MYO10: variants seen among roughly 807,000 people sequenced by gnomAD.
MYO10 encodes unconventional myosin-X.
A neutral mutation model predicts 257.3 loss-of-function variants in MYO10; 133 were observed. The ratio of observed to expected loss-of-function variants is 0.52; its 90% confidence interval spans 0.45 to 0.60. MYO10 has a LOEUF of 0.60. Among genes scored for constraint, MYO10 ranks in the 20% least tolerant of loss-of-function variants. The probability of loss-of-function intolerance (pLI) is 0.00; values close to 1 mark genes in which losing one functional copy is unlikely to be tolerated. For missense variants in MYO10, 2,399 were observed against 2,635.7 expected (o/e 0.91, Z 1.97); for synonymous variants, 1,104 against 1,028.6 (o/e 1.07, Z -1.40).
rs1561158360 is a variant in MYO10, at chr5:16,663,325, G to GT, written c.*3366dup. The GT allele has an allele frequency of 7.3e-5, 3 of 41,320 alleles. No homozygotes were observed. The highest frequency in any genetic ancestry group is 1.3e-4 in the African/African-American group (1 of 7,436). The allele number at this position is 41,320 out of a possible 1,614,324, so 2.6% of individuals were successfully genotyped here. On this transcript the variant is annotated 3_prime_UTR_variant, in exon 41 of 41. Transcript: ENST00000513610. ...GGAAAAAAGTAACATTTTACTTCTA[G>GT]TTGTTTTTTTTTTTTTTTTTTTTTT...
chr5:16,844,045 C>T (rs576281878), intron 2 of MYO10, among the ~76,000 whole-genome samples: 1 of 152,286 alleles, frequency 6.6e-6, no homozygotes, highest in South Asian at 2.1e-4. Flanking sequence ...TGGGTTGTCC[C>T]GTCACTCATG....
At chr5:16,704,476 C>G (rs185483934) in intron 22 of MYO10, 103 bp downstream of exon 22, 11 of 943,200 alleles carry the variant, frequency 1.2e-5, no homozygotes, top group Non-Finnish European at 1.6e-6. Flanking sequence ...ACCTGAGGCT[C>G]CCCTCAATTC....
intron 1 of MYO10, among the ~76,000 whole-genome samples, chr5:16,892,026 C>G (rs1745074785): frequency 6.6e-6 from 1 of 152,138 alleles, no homozygotes. Context: ...TTATGGGAGG[C>G]AGAAATGGAT....
Position 16,834,363 on chromosome 5 carries a change from C to T in MYO10, c.121-16196G>A, listed in dbSNP as rs374858232. ...GGTGCACCGTGATGAGGACGTGGAA[C>T]TGCATGTGGGTAGATGGGAAGGAGG... is the stretch of plus-strand genomic sequence containing the variant. On this transcript the variant is annotated intron_variant, in intron 2 of 40. Coordinates refer to ENST00000513610, the MANE Select transcript of MYO10 (RefSeq NM_012334.3). Among the ~76,000 whole-genome samples, 53 of 152,246 alleles carry T rather than the reference C, an allele frequency of 3.5e-4. 1 individual carries two copies. The Middle Eastern group carries it at 0.01, about 29-fold the overall frequency.
chr5:16,684,656 G>A (rs1737161099), intron 29 of MYO10, among the ~76,000 whole-genome samples: 1 of 152,166 alleles, frequency 6.6e-6, no homozygotes, highest in Admixed American at 6.5e-5. Flanking sequence ...CTTCTCCTAA[G>A]AAACTTTATT....
At chr5:16,920,151 G>A (rs1745941817) in intron 1 of MYO10, among the ~76,000 whole-genome samples, 1 of 152,178 alleles carries the variant, frequency 6.6e-6, no homozygotes, top group African/African-American at 2.4e-5. Flanking sequence ...GCACATGCCT[G>A]TAAACCCAGC....
chr5:16,727,088 A>C (rs997690350), intron 19 of MYO10, among the ~76,000 whole-genome samples: 3 of 152,250 alleles, frequency 2.0e-5, no homozygotes, highest in Non-Finnish European at 2.9e-5. Flanking sequence ...GTATGAAAAA[A>C]TAAAGTATCT....
Position 16,927,745 on chromosome 5 carries a change from T to C in MYO10, c.21+8043A>G, listed in dbSNP as rs55731792. 7.5e-3 allele frequency among the ~76,000 whole-genome samples: 1,138 copies of C among 152,316 alleles called. 11 individuals are homozygous for C. The highest frequency in any genetic ancestry group is 0.026 in the African/African-American group (1,075 of 41,562). On this transcript the variant is annotated intron_variant, in intron 1 of 40. Transcript: ENST00000513610. ...TGGACAATTCCCATATGTTTCTCCCTTGTTCTAGCTGTATTTCAACAGATG... is the reference window on the plus strand; with the variant it reads ...TGGACAATTCCCATATGTTTCTCCCCTGTTCTAGCTGTATTTCAACAGATG...
At chr5:16,894,715 G>A (rs1315451406) in intron 1 of MYO10, among the ~76,000 whole-genome samples, 1 of 152,188 alleles carries the variant, frequency 6.6e-6, no homozygotes, top group African/African-American at 2.4e-5. Context: ...GGGATGAAGT[G>A]CAAACAGATC....
intron 2 of MYO10, among the ~76,000 whole-genome samples, chr5:16,841,689 T>C (rs1743485652): frequency 6.6e-6 from 1 of 152,160 alleles, no homozygotes; most frequent in Admixed American, 6.6e-5. Context: ...TAATTCAGGC[T>C]CTCCTTCAAC....
Position 16,701,244 on chromosome 5 carries a change from C to T in MYO10, c.3151G>A (p.Val1051Met). 1 of 1,613,218 alleles carries T rather than the reference C, an allele frequency of 6.2e-7. No individual in the cohort carries two copies. Among genetic ancestry groups the T allele is most frequent in the Non-Finnish European group, 8.5e-7 (1 of 1,179,620 alleles). ...VPTSPSADST[V>M]LLAPSVQDSG... ...TCCTGCACTGATGGGGCGAGCAGCA[C>T]CGTGCTGTCCGCACTGGGGCTGGTG... The change falls in exon 25 of 41, where the codon GTG becomes ATG. Residue 1051 changes from valine to methionine, a missense_variant. Coordinates refer to ENST00000513610, the MANE Select transcript of MYO10 (RefSeq NM_012334.3). This position sits in a 1 kb window ranked among gnomAD's most constrained non-coding sequence, Gnocchi z 8.1.
chr5:16,820,207 C>T (rs933068286), intron 2 of MYO10, among the ~76,000 whole-genome samples: 1 of 152,244 alleles, frequency 6.6e-6, no homozygotes, highest in African/African-American at 2.4e-5. Context: ...GAAACAGAAA[C>T]TTAGGCCAGA....
At chr5:16,828,238 T>A (rs1012823229) in intron 2 of MYO10, among the ~76,000 whole-genome samples, 2 of 152,082 alleles carry the variant, frequency 1.3e-5, no homozygotes, top group Non-Finnish European at 2.9e-5. Flanking sequence ...CTTGAGTTGC[T>A]CCTCTTTTAA....
intron 33 of MYO10, among the ~76,000 whole-genome samples, chr5:16,677,416 C>CTTTTTTTTTTTTTTTTTTTTTTTTTTTT (rs796474728): frequency 8.4e-6 from 1 of 119,380 alleles, no homozygotes; most frequent in Non-Finnish European, 1.7e-5. Context: ...GTAACTTGAC[C>CTTTTTTTTTTTTTTTTTTTTTTTTTTTT]TTTTTTTTTT....
rs543651091 is a variant in MYO10, at chr5:16,810,334, G to A, written c.279+7675C>T. ...CTCTTCCATCACCTCCCTCCCTACA[G>A]TCCCCATGACTTTTCTCCCATCTCT... On this transcript the variant is annotated intron_variant, in intron 3 of 40. Coordinates refer to ENST00000513610, the MANE Select transcript of MYO10 (RefSeq NM_012334.3). Among the ~76,000 whole-genome samples, 93 of 152,144 alleles carry A rather than the reference G, an allele frequency of 6.1e-4. 1 individual carries two copies. The highest frequency in any genetic ancestry group is 3.0e-3 in the Admixed American group (46 of 15,274).
At chr5:16,842,897 T>TA (rs140305303) in intron 2 of MYO10, among the ~76,000 whole-genome samples, 2,790 of 98,202 alleles carry the variant, frequency 0.028, 43 homozygotes, top group South Asian at 0.049. Context: ...CCGTCTCTAC[T>TA]AAAAAAAAGA....
intron 9 of MYO10, among the ~76,000 whole-genome samples, chr5:16,774,452 C>G (rs1469752157): frequency 2.0e-5 from 3 of 152,022 alleles, no homozygotes; most frequent in Non-Finnish European, 1.5e-5. Flanking sequence ...GACGGAGTCT[C>G]ACTCTGTTGC....
chr5:16,783,719 A>G (rs935894518), intron 4 of MYO10, among the ~76,000 whole-genome samples: 1 of 152,306 alleles, frequency 6.6e-6, no homozygotes, highest in Admixed American at 6.5e-5. Flanking sequence ...TTTCCTAAGG[A>G]AAGGTCATAA....
In MYO10 at chr5:16,755,473, T is replaced by C. The variant is rs116577570; in HGVS notation, c.1849-565A>G. ...AGCCACCGCGCCCGGCCTGAAATAG[T>C]ACAATTTTAATAAACCATTCTGTCA... On this transcript the variant is annotated intron_variant, in intron 18 of 40. Transcript: ENST00000513610. Among the ~76,000 whole-genome samples the C allele has an allele frequency of 2.7e-3, 414 of 152,316 alleles. 4 individuals carry two copies. Among genetic ancestry groups the C allele is most frequent in the African/African-American group, 9.5e-3 (396 of 41,568 alleles).
Sources: gnomAD v4.1 joint callset for allele counts (sites outside exome capture counted in the v4.1 genomes callset) on GRCh38, gnomAD v4.1.1 for gene constraint, Gnocchi (gnomAD v3.1) non-coding constraint, MANE v1.5 for transcripts, NCBI Gene and HGNC (gene_info 2026-07-23, HGNC 2026-07-21) for gene names.